PRR16: variants seen among roughly 807,000 people sequenced by gnomAD.
PRR16 encodes protein Largen.
A neutral mutation model predicts 18.2 loss-of-function variants in PRR16; 6 were observed. That is an observed-to-expected ratio of 0.33 (90% CI 0.18 to 0.65). The LOEUF (loss-of-function observed/expected upper bound fraction) is 0.65, where lower values mean the gene tolerates loss of function less well. Among genes scored for constraint, PRR16 ranks in the 30% least tolerant of loss-of-function variants. PRR16 has a pLI of 0.74. For synonymous variants in PRR16, 151 were observed against 147.8 expected (o/e 1.02, Z -0.16); for missense variants, 412 against 376.6 (o/e 1.09, Z -0.78).
the PRR16 span, among the ~76,000 whole-genome samples, chr5:120,694,855 T>C: frequency 1.3e-5 from 2 of 152,186 alleles, no homozygotes; most frequent in African/African-American, 4.8e-5. Context: ...CATCTTTACA[T>C]CTTCTAAAAA....
chr5:120,761,726 A>T, the PRR16 span, among the ~76,000 whole-genome samples: 164 of 152,144 alleles, frequency 1.1e-3, 2 homozygotes, highest in Non-Finnish European at 8.2e-4. Context: ...GAACATTTCA[A>T]ATCCTCTCTT....
In PRR16 at chr5:120,686,729, T is replaced by A; in HGVS notation, c.*20T>A. ...GTGTGATGTATGCCATTAAAAAAAT[T>A]GTTTTTTTAATTTTCTATATTATAA... On this transcript the variant is annotated 3_prime_UTR_variant, in exon 2 of 2. Transcript: ENST00000407149. 6.9e-7 allele frequency: 1 copy of A among 1,441,462 alleles called. No homozygotes were observed. The highest frequency in any genetic ancestry group is 1.7e-5 in the South Asian group (1 of 59,942). The allele number at this position is 1,441,462 out of a possible 1,614,324, so 89.3% of individuals were successfully genotyped here. A position where few individuals can be genotyped will look rare whatever the true frequency, so the allele number is the denominator to read the frequency against.
At chr5:120,501,838 C>A (rs1750464633) in intron 1 of PRR16, among the ~76,000 whole-genome samples, 1 of 151,220 alleles carries the variant, frequency 6.6e-6, no homozygotes, top group South Asian at 2.1e-4. Context: ...TGCCTGTAGT[C>A]CCAGCTACTC....
At chr5:120,677,716 A>G (rs573154340) in intron 1 of PRR16, among the ~76,000 whole-genome samples, 105 of 152,208 alleles carry the variant, frequency 6.9e-4, no homozygotes, top group African/African-American at 2.3e-3. Context: ...CTAAAGATTC[A>G]CTCAAATTGA....
At chr5:120,616,672 T>C (rs1754520490) in intron 1 of PRR16, among the ~76,000 whole-genome samples, 1 of 152,166 alleles carries the variant, frequency 6.6e-6, no homozygotes, top group South Asian at 2.1e-4. Context: ...ATGACTGTCC[T>C]TAGAGCTGGT....
the PRR16 span, among the ~76,000 whole-genome samples, chr5:120,769,128 A>T: frequency 6.6e-6 from 1 of 151,652 alleles, no homozygotes; most frequent in Non-Finnish European, 1.5e-5. Context: ...TTAATATCAG[A>T]CAATGTTGAA....
intron 1 of PRR16, among the ~76,000 whole-genome samples, chr5:120,527,082 T>C (rs1751379294): frequency 1.3e-5 from 2 of 152,194 alleles, no homozygotes; most frequent in Non-Finnish European, 2.9e-5. Context: ...TTGACTCTTT[T>C]GGATACCTCA....
At chr5:120,712,161 C>A in the PRR16 span, among the ~76,000 whole-genome samples, 1 of 152,078 alleles carries the variant, frequency 6.6e-6, no homozygotes, top group Non-Finnish European at 1.5e-5. Flanking sequence ...ATGCTTACTA[C>A]GTGTAAGCAA....
chr5:120,604,517 C>T (rs1754089851), intron 1 of PRR16, among the ~76,000 whole-genome samples: 1 of 152,006 alleles, frequency 6.6e-6, no homozygotes, highest in Non-Finnish European at 1.5e-5. Context: ...CACTTGATGC[C>T]TTTTGAGTGG....
At chr5:120,674,885 A>G (rs1192666217) in intron 1 of PRR16, among the ~76,000 whole-genome samples, 1 of 151,738 alleles carries the variant, frequency 6.6e-6, no homozygotes, top group Non-Finnish European at 1.5e-5. Flanking sequence ...TAAGCCATTA[A>G]TATTTTTAAA....
the PRR16 span, among the ~76,000 whole-genome samples, chr5:120,747,315 G>C: frequency 1.3e-5 from 2 of 152,102 alleles, no homozygotes; most frequent in African/African-American, 4.8e-5. Context: ...ATACATTCAA[G>C]TTTTATTTTT....
the PRR16 span, among the ~76,000 whole-genome samples, chr5:120,704,095 G>C: frequency 2.2e-4 from 33 of 152,280 alleles, no homozygotes; most frequent in Non-Finnish European, 3.1e-4. Context: ...TAAGAAAGAA[G>C]CTTTCTCTTA....
chr5:120,549,258 G>A (rs1475347674), intron 1 of PRR16, among the ~76,000 whole-genome samples: 2 of 151,912 alleles, frequency 1.3e-5, no homozygotes, highest in Non-Finnish European at 2.9e-5. Context: ...ACTTCACCCA[G>A]CTAATTTTTT....
chr5:120,789,354 A>C, the PRR16 span, among the ~76,000 whole-genome samples: 1,319 of 152,208 alleles, frequency 8.7e-3, 8 homozygotes, highest in Admixed American at 0.014. Flanking sequence ...TTTGTTTTCC[A>C]AAAAATCATT....
Position 120,551,862 on chromosome 5 carries a change from T to G in PRR16, c.159+87217T>G, listed in dbSNP as rs2112700761. 2.0e-5 allele frequency among the ~76,000 whole-genome samples: 3 copies of G among 152,120 alleles called. No individual in the cohort carries two copies. In the South Asian group the frequency reaches 6.2e-4, roughly 31 times the overall value. On this transcript the variant is annotated intron_variant, in intron 1 of 1. Coordinates refer to ENST00000407149, the MANE Select transcript of PRR16 (RefSeq NM_001300783.2). ...AGGGTCTCTTGCTATGCTAGCATCA[T>G]GTCTTCTACATTTAATAAATAGCCA...
the PRR16 span, among the ~76,000 whole-genome samples, chr5:120,779,694 A>T: frequency 6.6e-6 from 1 of 152,176 alleles, no homozygotes; most frequent in African/African-American, 2.4e-5. Context: ...GAGGGTATTT[A>T]CAACTCTCTG....
chr5:120,499,143 C>G (rs923667961), intron 1 of PRR16, among the ~76,000 whole-genome samples: 3 of 148,010 alleles, frequency 2.0e-5, no homozygotes, highest in African/African-American at 7.5e-5. Flanking sequence ...GAGTTCCGCT[C>G]TTGTTGCCCA....
At chr5:120,484,015 T>C (rs928362832) in intron 1 of PRR16, among the ~76,000 whole-genome samples, 1 of 152,052 alleles carries the variant, frequency 6.6e-6, no homozygotes, top group Non-Finnish European at 1.5e-5. Context: ...ACAAGTCTTC[T>C]TTCCTTCTAA....
intron 1 of PRR16, among the ~76,000 whole-genome samples, chr5:120,575,940 C>G (rs1296108515): frequency 6.6e-6 from 1 of 152,162 alleles, no homozygotes; most frequent in Non-Finnish European, 1.5e-5. Flanking sequence ...AGAAAAACCT[C>G]TGCAATAAAT....
Sources: gnomAD v4.1 joint callset for allele counts (sites outside exome capture counted in the v4.1 genomes callset) on GRCh38, gnomAD v4.1.1 for gene constraint, MANE v1.5 for transcripts, NCBI Gene and HGNC (gene_info 2026-07-23, HGNC 2026-07-21) for gene names.